ALCAM: variants seen among roughly 807,000 people sequenced by gnomAD.
ALCAM encodes CD166 antigen.
Under a neutral mutation model 70.9 loss-of-function variants are expected in ALCAM, and 30 were observed. The observed-to-expected ratio is 0.42, with a 90% CI of 0.32 to 0.57. The LOEUF (loss-of-function observed/expected upper bound fraction) is 0.57, where lower values mean the gene tolerates loss of function less well. ALCAM is among the 20% of genes least tolerant of loss of function. The pLI is 0.11. For missense variants in ALCAM, 591 were observed against 695.1 expected (o/e 0.85, Z 1.68); for synonymous variants, 249 against 242.5 (o/e 1.03, Z -0.25).
chr3:105,536,239 G>A (rs373576801), intron 6 of ALCAM, among the ~76,000 whole-genome samples: 20 of 151,810 alleles, frequency 1.3e-4, no homozygotes, highest in African/African-American at 3.1e-4. Context: ...GATTAGAAGC[G>A]CATGCCACCA....
At chr3:105,431,007 C>T (rs764637173) in intron 1 of ALCAM, among the ~76,000 whole-genome samples, 27 of 151,892 alleles carry the variant, frequency 1.8e-4, no homozygotes, top group Admixed American at 5.9e-4. Flanking sequence ...ACATAGTAGA[C>T]GTTAATGGTA....
At chr3:105,469,315 G>C (rs1412861802) in intron 1 of ALCAM, among the ~76,000 whole-genome samples, 1 of 151,204 alleles carries the variant, frequency 6.6e-6, no homozygotes, top group African/African-American at 2.4e-5. Flanking sequence ...TCAGAGTTCT[G>C]CTAGATATTA....
chr3:105,512,614 T>G (rs1939268632), intron 1 of ALCAM, among the ~76,000 whole-genome samples: 2 of 151,908 alleles, frequency 1.3e-5, no homozygotes, highest in South Asian at 2.1e-4. Flanking sequence ...AAATATAAGT[T>G]TCTACATCTC....
chr3:105,428,738 A>G (rs1040393092), intron 1 of ALCAM, among the ~76,000 whole-genome samples: 16 of 152,156 alleles, frequency 1.1e-4, no homozygotes, highest in Admixed American at 1.0e-3. Flanking sequence ...AAGCAAAGTT[A>G]GATCAATACT....
At chr3:105,566,327 A>G (rs1363358209) in intron 14 of ALCAM, among the ~76,000 whole-genome samples, 1 of 152,188 alleles carries the variant, frequency 6.6e-6, no homozygotes, top group Non-Finnish European at 1.5e-5. Context: ...AAGATTGTAC[A>G]TTTATTTATT....
At chr3:105,515,500 T>A (rs1298257856) in intron 1 of ALCAM, among the ~76,000 whole-genome samples, 3 of 152,036 alleles carry the variant, frequency 2.0e-5, no homozygotes, top group African/African-American at 4.8e-5. Flanking sequence ...GAGAAACCAA[T>A]GGCTGAAGGT....
chr3:105,524,062 A>T (rs542392744), intron 2 of ALCAM, among the ~76,000 whole-genome samples: 6 of 152,174 alleles, frequency 3.9e-5, no homozygotes, highest in Non-Finnish European at 8.8e-5. Flanking sequence ...ATGAAAAAAA[A>T]ATCTGATTCC....
intron 1 of ALCAM, among the ~76,000 whole-genome samples, chr3:105,427,458 G>A (rs1394649556): frequency 1.3e-5 from 2 of 151,850 alleles, no homozygotes; most frequent in East Asian, 3.9e-4. Flanking sequence ...GCCACTTCTG[G>A]CCCCCTGTCC....
At chr3:105,467,196 G>A (rs963609785) in intron 1 of ALCAM, among the ~76,000 whole-genome samples, 1 of 151,264 alleles carries the variant, frequency 6.6e-6, no homozygotes. Flanking sequence ...AATATACTAT[G>A]TGCTAAGTAA....
At chr3:105,550,979 A>G (rs1333626545) in intron 12 of ALCAM, among the ~76,000 whole-genome samples, 1 of 151,538 alleles carries the variant, frequency 6.6e-6, no homozygotes, top group East Asian at 1.9e-4. Context: ...TGTTTTGTCA[A>G]CCTTAAATCA....
rs143242754 is a variant in ALCAM at position 105,533,252 on chromosome 3, C to T, written c.460-351C>T. Reference sequence around the variant, plus strand: ...TTCTTCCGTATGAAGATCTATGATTCATGGTAATAGTCAGTGTTAATAGAG... The same window carrying T: ...TTCTTCCGTATGAAGATCTATGATTTATGGTAATAGTCAGTGTTAATAGAG... On this transcript the variant is annotated intron_variant, in intron 4 of 15. Coordinates refer to ENST00000306107, the MANE Select transcript of ALCAM (RefSeq NM_001627.4). Among the ~76,000 whole-genome samples, 29 of 152,176 alleles carry T rather than the reference C, an allele frequency of 1.9e-4. 1 individual carries two copies. In the East Asian group the frequency reaches 5.0e-3, roughly 26 times the overall value.
chr3:105,490,704 C>G (rs1340565577), intron 1 of ALCAM, among the ~76,000 whole-genome samples: 1 of 152,190 alleles, frequency 6.6e-6, no homozygotes, highest in Admixed American at 6.6e-5. Flanking sequence ...AAATTATCTC[C>G]TTTGACTCCA....
intron 14 of ALCAM, among the ~76,000 whole-genome samples, chr3:105,555,493 G>T (rs1301814049): frequency 6.6e-6 from 1 of 151,990 alleles, no homozygotes; most frequent in Admixed American, 6.6e-5. Flanking sequence ...AGTAAGTTCA[G>T]ATTCATAATA....
chr3:105,387,615 T>A (rs1935692363), intron 1 of ALCAM, among the ~76,000 whole-genome samples: 1 of 151,586 alleles, frequency 6.6e-6, no homozygotes, highest in Non-Finnish European at 1.5e-5. Context: ...TAGTATTGAG[T>A]GTTGGTTCAT....
intron 1 of ALCAM, among the ~76,000 whole-genome samples, chr3:105,502,720 A>C (rs1938959526): frequency 6.6e-6 from 1 of 152,242 alleles, no homozygotes; most frequent in Non-Finnish European, 1.5e-5. Context: ...CTGTGCAGGG[A>C]AAGCATTGTA....
chr3:105,566,814 G>A (rs1295615297), intron 14 of ALCAM, among the ~76,000 whole-genome samples: 1 of 151,986 alleles, frequency 6.6e-6, no homozygotes, highest in Non-Finnish European at 1.5e-5. Context: ...TAAACTGTTA[G>A]TTGTCTTTTA....
intron 14 of ALCAM, chr3:105,552,858 AAT>A: frequency 8.3e-7 from 1 of 1,209,460 alleles, no homozygotes; most frequent in African/African-American, 1.6e-5. Context: ...TGCTTGAGTG[AAT>A]TTTTTAAAGC....
intron 15 of ALCAM, among the ~76,000 whole-genome samples, chr3:105,573,895 A>G (rs891671575): frequency 1.2e-4 from 18 of 152,218 alleles, no homozygotes; most frequent in African/African-American, 4.3e-4. Flanking sequence ...GGAGAACAAT[A>G]GAATAATTGA....
At chr3:105,551,173 G>A (rs73175449) in intron 12 of ALCAM, among the ~76,000 whole-genome samples, 15,283 of 151,590 alleles carry the variant, frequency 0.1, 982 homozygotes, top group Middle Eastern at 0.17. Context: ...GATTATGACT[G>A]GAATATAAAG....
Sources: allele counts gnomAD v4.1 joint callset (sites outside exome capture counted in the v4.1 genomes callset), GRCh38; gene constraint gnomAD v4.1.1; transcripts MANE v1.5; gene names NCBI Gene and HGNC (gene_info 2026-07-23, HGNC 2026-07-21).